P2RX6: variants seen among roughly 807,000 people sequenced by gnomAD.
P2RX6 encodes the protein P2X purinoceptor 6.
In P2RX6, 62 loss-of-function variants were observed where a neutral mutation model predicts 54.2. The observed-to-expected ratio is 1.14, with a 90% CI of 0.93 to 1.41. P2RX6 has a LOEUF of 1.41. Among genes scored for constraint, P2RX6 ranks in the 40% most tolerant of loss-of-function variants. The pLI is 0.00. For missense variants in P2RX6, 541 were observed against 566.3 expected, an observed-to-expected ratio of 0.96 and a Z score of 0.45; for synonymous variants, 211 against 231.9, an observed-to-expected ratio of 0.91 and a Z score of 0.82.
Position 21,015,977 on chromosome 22 carries a change from G to C in P2RX6, c.200G>C (p.Arg67Pro). The change falls in exon 2 of 12, where the codon CGG becomes CCG. Residue 67 changes from arginine to proline, a missense_variant. Transcript: ENST00000413302. ...CTCGCCAAAAAAGGCTACCAGGAGCGGGACCTGGAACCCCAGTTTTCCATC... is the reference window on the plus strand; with the variant it reads ...CTCGCCAAAAAAGGCTACCAGGAGCCGGACCTGGAACCCCAGTTTTCCATC... ...ALLAKKGYQE[R>P]DLEPQFSIIT... 1 of 1,549,966 alleles carries C rather than the reference G, an allele frequency of 6.5e-7. No individual in the cohort carries two copies. The highest frequency in any genetic ancestry group is 8.7e-7 in the Non-Finnish European group (1 of 1,147,086).
Position 21,018,000 on chromosome 22 carries a change from GTTC to G in P2RX6, c.333_335del (p.Phe111del), listed in dbSNP as rs763182071. 174 of 1,612,490 alleles carry G rather than the reference GTTC, an allele frequency of 1.1e-4. 1 individual carries two copies. The South Asian group carries it at 1.7e-3, about 16-fold the overall frequency. On this transcript the variant is annotated inframe_deletion, in exon 3 of 12. Coordinates refer to ENST00000413302, the MANE Select transcript of P2RX6 (RefSeq NM_005446.5). ...GACTTGCCTCCTAGGGAGAGAACGT[GTTC>G]TTCTTGGTGACCAACTTCCTTGTGA...
upstream of P2RX6, chr22:21,010,405 C>T (rs909337778): frequency 1.3e-5 from 2 of 152,144 alleles, no homozygotes; most frequent in Non-Finnish European, 2.9e-5. Flanking sequence ...TTTTAGAAGA[C>T]AAACTGCTTC....
upstream of P2RX6, among the ~76,000 whole-genome samples, chr22:21,014,721 C>T (rs970301054): frequency 1.3e-5 from 2 of 152,164 alleles, no homozygotes; most frequent in African/African-American, 4.8e-5. Flanking sequence ...TCTTTGCATA[C>T]GCTGCTCCCT....
chr22:21,018,148 G>C (rs1601753238), intron 3 of P2RX6, 88 bp downstream of exon 3: 1 of 839,290 alleles, frequency 1.2e-6, no homozygotes, highest in Non-Finnish European at 2.0e-6. Flanking sequence ...CCCTTCCCAG[G>C]TGGCTGAAGG....
At chr22:21,022,009 C>G (rs1431616747) in intron 3 of P2RX6, among the ~76,000 whole-genome samples, 10 of 152,142 alleles carry the variant, frequency 6.6e-5, no homozygotes, top group African/African-American at 2.4e-4. Context: ...GATCTGTCAT[C>G]CAAATTGGAC....
Position 21,022,687 on chromosome 22 carries a change from C to T in P2RX6, c.399C>T (p.Val133=). 1 of 1,566,808 alleles carries T rather than the reference C, an allele frequency of 6.4e-7. No homozygotes were observed. Among genetic ancestry groups the T allele is most frequent in the East Asian group, 2.3e-5 (1 of 44,396 alleles). The change falls in exon 4 of 12, where the codon GTC becomes GTT. Residue 133 remains valine (V), a synonymous_variant. Transcript: ENST00000413302. ...VQGRCPEHPS[V]PLANCWVDED... ...CTCTCCCACCTCAGCACCCGTCCGT[C>T]CCACTGGCTAACTGCTGGGTCGACG...
chr22:21,023,185 T>A lies in P2RX6; in HGVS notation c.625T>A (p.Phe209Ile). 1 of 1,613,900 alleles carries A rather than the reference T, an allele frequency of 6.2e-7. No individual in the cohort carries two copies. Among genetic ancestry groups the A allele is most frequent in the South Asian group, 1.1e-5 (1 of 91,078 alleles). Reference protein sequence around the residue: ...FIKNTVTFSKFNFSKSNALET... With the variant: ...FIKNTVTFSKINFSKSNALET... ...CAAAAACACAGTCACCTTCAGCAAG[T>A]TCAACTTCTCTAAGTAAGCAGAGTG... Residue 209 changes from phenylalanine to isoleucine, a missense_variant, in exon 6 of 12, where the codon TTC becomes ATC. Transcript: ENST00000413302.
chr22:21,026,390 G>A lies in P2RX6; in HGVS notation c.1129-30G>A. The A allele has an allele frequency of 6.3e-7, 1 of 1,588,426 alleles. No homozygotes were observed. Among genetic ancestry groups the A allele is most frequent in the Non-Finnish European group, 8.6e-7 (1 of 1,167,530 alleles). ...TGCCACACTTAGGAAGATGTTGGCT[G>A]GATCCCTGACCTGCTGTCCTCATCT... On this transcript the variant is annotated intron_variant, in intron 11 of 11. Transcript: ENST00000413302. This position sits in a 1 kb window ranked among gnomAD's most constrained non-coding sequence, Gnocchi z 4.0.
At chr22:21,023,973 T>A (rs1601774167) in intron 8 of P2RX6, among the ~76,000 whole-genome samples, 1 of 144,144 alleles carries the variant, frequency 6.9e-6, no homozygotes, top group African/African-American at 2.6e-5. Flanking sequence ...TTTTTTTTTT[T>A]AAGACAGAAT....
chr22:21,026,036 C>A lies in P2RX6; in HGVS notation c.1010C>A (p.Thr337Lys). 2 of 1,611,986 alleles carry A rather than the reference C, an allele frequency of 1.2e-6. No homozygotes were observed. Among genetic ancestry groups the A allele is most frequent in the Non-Finnish European group, 1.7e-6 (2 of 1,179,256 alleles). The change falls in exon 10 of 12, where the codon ACG (threonine) becomes AAG (lysine). Residue 337 changes from threonine (T) to lysine (K), a missense_variant. Coordinates refer to ENST00000413302, the MANE Select transcript of P2RX6 (RefSeq NM_005446.5). This position sits in a 1 kb window ranked among gnomAD's most constrained non-coding sequence, Gnocchi z 4.0. ...GQAGKFGLIPTAVTLGTGAAW... is the reference protein window; with the variant it reads ...GQAGKFGLIPKAVTLGTGAAW... ...GCAGGGAAGTTCGGGCTCATCCCCA[C>A]GGCCGTCACACTGGGCACCGGGGCA...
intron 3 of P2RX6, 53 bp downstream of exon 3, chr22:21,018,113 A>G (rs1305705668): frequency 3.9e-6 from 5 of 1,272,200 alleles, no homozygotes; most frequent in East Asian, 2.4e-5. Context: ...CATCAGCCCC[A>G]GGGGGCCACC....
Position 21,023,533 on chromosome 22 carries a change from C to T in P2RX6, c.805C>T (p.His269Tyr). 1.2e-6 allele frequency: 2 copies of T among 1,613,806 alleles called. No homozygotes were observed. The highest frequency in any genetic ancestry group is 1.7e-6 in the Non-Finnish European group (2 of 1,179,804). ...GGGTGGCTCTGTAGGCATCAGAGTT[C>T]ACTGGGATTGTGACCTGGACACCGG... ...LLGGSVGIRV[H>Y]WDCDLDTGDS... The change falls in exon 8 of 12, where the codon CAC becomes TAC. Residue 269 changes from histidine (H) to tyrosine (Y), a missense_variant. Physicochemically the swap from His to Tyr is moderately conservative, Grantham distance 83. Coordinates refer to ENST00000413302, the MANE Select transcript of P2RX6 (RefSeq NM_005446.5).
chr22:21,025,472 C>T (rs1023295065), intron 8 of P2RX6, among the ~76,000 whole-genome samples: 2 of 152,142 alleles, frequency 1.3e-5, no homozygotes, highest in Non-Finnish European at 2.9e-5. Context: ...CCTCATGTCC[C>T]CTCCAGGAAG....
At chr22:21,016,847 G>A (rs1402560566) in intron 2 of P2RX6, among the ~76,000 whole-genome samples, 1 of 152,090 alleles carries the variant, frequency 6.6e-6, no homozygotes, top group African/African-American at 2.4e-5. Context: ...CTCCTCTGAT[G>A]CCCAGGGTGT....
At chr22:21,012,727 G>A (rs557741165), upstream of P2RX6, 7 of 309,882 alleles carry the variant, frequency 2.3e-5, no homozygotes, top group East Asian at 1.5e-4. Context: ...CCCGCTCCAC[G>A]TCCCCCACCT....
rs202136058 is a variant in P2RX6, at chr22:21,024,874, T to TTG, written c.891-927_891-926dup. On this transcript the variant is annotated intron_variant, in intron 8 of 11. Coordinates refer to ENST00000413302, the MANE Select transcript of P2RX6 (RefSeq NM_005446.5). ...GCATGAGCCACCAAGCCTGTTTTTT[T>TTG]TGTGTTTTTTTTTTTTTTTTTTTTA... 1.8e-3 allele frequency among the ~76,000 whole-genome samples: 163 copies of TTG among 88,114 alleles called. 6 individuals are homozygous for TTG. Among genetic ancestry groups the TTG allele is most frequent in the South Asian group, 2.7e-3 (6 of 2,210 alleles). The allele number at this position is 88,114 out of a possible 152,430, so 57.8% of individuals were successfully genotyped here.
intron 3 of P2RX6, among the ~76,000 whole-genome samples, chr22:21,019,226 CCT>C (rs527700257): frequency 1.5e-3 from 228 of 152,314 alleles, no homozygotes; most frequent in African/African-American, 5.2e-3. Flanking sequence ...ACAGCTGTCC[CCT>C]GAGCCCTGGT....
At chr22:21,016,938 C>A (rs9625334) in intron 2 of P2RX6, among the ~76,000 whole-genome samples, 43,312 of 152,052 alleles carry the variant, frequency 0.28, 7,524 homozygotes, top group Non-Finnish European at 0.4. Context: ...ATTTTCCTCT[C>A]CTGGCATGGC....
At chr22:21,023,061 C>A (rs1927712379) in intron 5 of P2RX6, 26 bp downstream of exon 5, 5 of 1,612,354 alleles carry the variant, frequency 3.1e-6, no homozygotes, top group Non-Finnish European at 3.4e-6. Flanking sequence ...ATCCCCTACC[C>A]CAACTGGCGC....
Sources: gnomAD v4.1 joint callset for allele counts (sites outside exome capture counted in the v4.1 genomes callset) on GRCh38, gnomAD v4.1.1 for gene constraint, Gnocchi (gnomAD v3.1) non-coding constraint, MANE v1.5 for transcripts, NCBI Gene and HGNC (gene_info 2026-07-23, HGNC 2026-07-21) for gene names.